Variants in PTPRS observed in about 807,000 individuals in gnomAD.
The protein encoded by PTPRS is protein tyrosine phosphatase receptor type S.
In PTPRS, 63 loss-of-function variants were observed where a neutral mutation model predicts 215.3. That is an observed-to-expected ratio of 0.29 (90% CI 0.24 to 0.36). PTPRS has a LOEUF of 0.36. PTPRS is among the 10% of genes least tolerant of loss of function. The pLI is 1.00. For missense variants in PTPRS, 2,258 were observed against 2,825.8 expected, an observed-to-expected ratio of 0.80 and a Z score of 4.56; for synonymous variants, 1,404 against 1,191.4, an observed-to-expected ratio of 1.18 and a Z score of -3.68.
chr19:5,272,595 C>CAAAAAAAAAAAAAAAAAAAA (rs10527451), intron 4 of PTPRS, among the ~76,000 whole-genome samples: 21 of 73,438 alleles, frequency 2.9e-4, no homozygotes, highest in Non-Finnish European at 3.9e-4. Flanking sequence ...AAGACTGTCT[C>CAAAAAAAAAAAAAAAAAAAA]AAAAAAAAAA....
intron 9 of PTPRS, 121 bp from the exon 10 acceptor site, chr19:5,246,166 G>C: frequency 2.0e-6 from 1 of 507,236 alleles, no homozygotes; most frequent in Non-Finnish European, 3.1e-6. Flanking sequence ...AAAGAAAGAA[G>C]GAAAGAAAGA....
intron 1 of PTPRS, among the ~76,000 whole-genome samples, chr19:5,288,005 CA>C: frequency 8.0e-6 from 1 of 124,524 alleles, no homozygotes; most frequent in Admixed American, 8.1e-5. Flanking sequence ...CACACACACA[CA>C]CACAATCAGG....
rs374356942 is a variant in PTPRS at position 5,211,929 on chromosome 19, C to T, written c.5055+36G>A. ...ATTTTCGGCTCTTTGGGCCTCCTCC[C>T]CACCCCGCCCACAGCAGCCTCCACC... On this transcript the variant is annotated intron_variant, in intron 32 of 37. Coordinates refer to ENST00000262963, the MANE Select transcript of PTPRS (RefSeq NM_002850.4). 1.4e-5 allele frequency: 21 copies of T among 1,551,306 alleles called. No individual in the cohort carries two copies. In the African/African-American group the frequency reaches 2.3e-4, roughly 17 times the overall value.
At position 5,237,785 on chromosome 19, in the gene PTPRS, C is replaced by T. The variant is rs1291459605; in HGVS notation, c.1849+1134G>A. Among the ~76,000 whole-genome samples the T allele has an allele frequency of 1.3e-5, 2 of 152,078 alleles. No homozygotes were observed. The highest frequency in any genetic ancestry group is 2.9e-5 in the Non-Finnish European group (2 of 68,018). On this transcript the variant is annotated intron_variant, in intron 13 of 37. Transcript: ENST00000262963. The surrounding 1 kb of genome is among the most constrained non-coding windows in gnomAD (Gnocchi z 4.2). ...ACCTCACACAGACGCGCCCAGACGCCTTGGAGCCGCCAGGTGCTCAGCTCG... is the reference window on the plus strand; with the variant it reads ...ACCTCACACAGACGCGCCCAGACGCTTTGGAGCCGCCAGGTGCTCAGCTCG...
At chr19:5,236,676 GAGGCC>G in intron 13 of PTPRS, among the ~76,000 whole-genome samples, 1 of 152,116 alleles carries the variant, frequency 6.6e-6, no homozygotes, top group Admixed American at 6.5e-5. Context: ...AGAGACTGCA[GAGGCC>G]ACCCCAACAG....
Position 5,215,744 on chromosome 19 carries a change from A to C in PTPRS, c.4097-149T>G, listed in dbSNP as rs2041376868. On this transcript the variant is annotated intron_variant, in intron 26 of 37. Transcript: ENST00000262963. ...GGGTGGGGCTTGGCAGGAGGGGAAG[A>C]CTCAGGGTGGCTCATGAAGGGGCTG... 3.6e-5 allele frequency: 23 copies of C among 636,856 alleles called. No individual in the cohort carries two copies. In the East Asian group the frequency reaches 6.3e-4, roughly 18 times the overall value. 39.5% of individuals were successfully genotyped at this position (636,856 alleles called of 1,614,324 possible). A position where few individuals can be genotyped will look rare whatever the true frequency, so the allele number is the denominator to read the frequency against.
In PTPRS at chr19:5,287,580, T is replaced by C. The variant is rs1308441710; in HGVS notation, c.-94-1346A>G. Among the ~76,000 whole-genome samples, 1 of 152,096 alleles carries C rather than the reference T, an allele frequency of 6.6e-6. No homozygotes were observed. Among genetic ancestry groups the C allele is most frequent in the African/African-American group, 2.4e-5 (1 of 41,402 alleles). On this transcript the variant is annotated intron_variant, in intron 1 of 37. Coordinates refer to ENST00000262963, the MANE Select transcript of PTPRS (RefSeq NM_002850.4). This position sits in a 1 kb window ranked among gnomAD's most constrained non-coding sequence, Gnocchi z 4.8. ...CTGGCACCCATGCCAGCCCATGCCC[T>C]GGGCGGGTCCAGGCCGTGACCACAG...
In PTPRS at chr19:5,229,477, G is replaced by T. The variant is rs916809592; in HGVS notation, c.2349+14C>A. 7.9e-7 allele frequency: 1 copy of T among 1,268,280 alleles called. No homozygotes were observed. Among genetic ancestry groups the T allele is most frequent in the Non-Finnish European group, 1.0e-6 (1 of 960,334 alleles). The allele number at this position is 1,268,280 out of a possible 1,614,324, so 78.6% of individuals were successfully genotyped here. Reference sequence around the variant, plus strand: ...CGGAGCCCGTCCCCGGCCCCGCCCCGGCCCCCCGCCCACCTGGGCATCGGC... The same window carrying T: ...CGGAGCCCGTCCCCGGCCCCGCCCCTGCCCCCCGCCCACCTGGGCATCGGC... On this transcript the variant is annotated intron_variant, in intron 15 of 37. Transcript: ENST00000262963.
At chr19:5,258,284 CA>C in intron 7 of PTPRS, 157 bp from the exon 8 acceptor site, 4 of 633,704 alleles carry the variant, frequency 6.3e-6, no homozygotes, top group Non-Finnish European at 1.1e-5. Context: ...CTAGCTTGGC[CA>C]GGCCTTGTAT....
intron 1 of PTPRS, among the ~76,000 whole-genome samples, chr19:5,325,885 G>C (rs1179961587): frequency 1.3e-5 from 2 of 152,220 alleles, no homozygotes; most frequent in Admixed American, 1.3e-4. Flanking sequence ...AGGCAGAAGG[G>C]GCTCAGCCTC....
rs540838977 is a variant in PTPRS at position 5,222,132 on chromosome 19, T to G, written c.3192A>C (p.Thr1064=). 7.4e-6 allele frequency: 12 copies of G among 1,612,840 alleles called. No individual in the cohort carries two copies. The African/African-American group carries it at 1.5e-4, about 20-fold the overall frequency. ...GGCTGGGCAGTCGCACCTTGTAGGG[T>G]GTGGGTGAGTTGTAGTTGTCAGGGA... ...WEFPDNYNSP[T]PYKIQYNGLT... Residue 1064 remains threonine (T), a synonymous_variant, in exon 19 of 38, where the codon ACA becomes ACC. Transcript: ENST00000262963.
At position 5,229,608 on chromosome 19, in the gene PTPRS, G is replaced by T. The variant is rs1466078745; in HGVS notation, c.2232C>A (p.Pro744=). ...TCTGGCCGTGCTGCCGGCCGGGCGC[G>T]GGCGAGCGCCACAGCACGCGGATGG... ...ATAIRVLWRS[P]APGRQHGQIR... The change falls in exon 15 of 38, where the codon CCC becomes CCA. Residue 744 remains proline, a synonymous_variant. Coordinates refer to ENST00000262963, the MANE Select transcript of PTPRS (RefSeq NM_002850.4). 1 of 1,420,832 alleles carries T rather than the reference G, an allele frequency of 7.0e-7. No individual in the cohort carries two copies. The highest frequency in any genetic ancestry group is 9.2e-7 in the Non-Finnish European group (1 of 1,088,144). 88.0% of individuals were successfully genotyped at this position (1,420,832 alleles called of 1,614,324 possible). A position where few individuals can be genotyped will look rare whatever the true frequency, so the allele number is the denominator to read the frequency against.
chr19:5,216,830 G>A (rs1317461167), intron 25 of PTPRS, 63 bp from the exon 26 acceptor site: 7 of 1,099,874 alleles, frequency 6.4e-6, no homozygotes, highest in Non-Finnish European at 9.5e-6. Flanking sequence ...TCCCACCTCT[G>A]CCTCCCCCAC....
At position 5,338,965 on chromosome 19, in the gene PTPRS, C is replaced by G. The variant is rs560475844; in HGVS notation, c.-95+1699G>C. Among the ~76,000 whole-genome samples the G allele has an allele frequency of 6.6e-6, 1 of 152,332 alleles. No individual in the cohort carries two copies. The highest frequency in any genetic ancestry group is 2.4e-5 in the African/African-American group (1 of 41,578). ...AGGCCAGAATCCCAGCAGCCAAAGT[C>G]CGGGTGGTGGCGGACGGGAGCCCGG... is the stretch of plus-strand genomic sequence containing the variant. On this transcript the variant is annotated intron_variant, in intron 1 of 37. Coordinates refer to ENST00000262963, the MANE Select transcript of PTPRS (RefSeq NM_002850.4). This position sits in a 1 kb window ranked among gnomAD's most constrained non-coding sequence, Gnocchi z 4.2.
rs914574423 is a variant in PTPRS, at chr19:5,257,945, G to A, written c.706+72C>T. 2.2e-5 allele frequency: 30 copies of A among 1,340,214 alleles called. No homozygotes were observed. The highest frequency in any genetic ancestry group is 2.9e-5 in the African/African-American group (2 of 69,764). 83.0% of individuals were successfully genotyped at this position (1,340,214 alleles called of 1,614,324 possible). ...GCAGGGGACGGGGGAGCCCGGAGGC[G>A]GTGAGCCCGAGGAGGGAGGGGGATG... On this transcript the variant is annotated intron_variant, in intron 8 of 37. Transcript: ENST00000262963. This position sits in a 1 kb window ranked among gnomAD's most constrained non-coding sequence, Gnocchi z 4.4.
chr19:5,256,716 A>T (rs2045580811), intron 8 of PTPRS, among the ~76,000 whole-genome samples: 2 of 151,728 alleles, frequency 1.3e-5, no homozygotes, highest in Non-Finnish European at 1.5e-5. Context: ...ACGTGCCCCT[A>T]CCCACCACCC....
chr19:5,221,284 G>T (rs1279152036), intron 19 of PTPRS, 31 bp from the exon 20 acceptor site: 1 of 1,594,230 alleles, frequency 6.3e-7, no homozygotes, highest in Admixed American at 1.7e-5. Context: ...AGCAGGGCCT[G>T]GTGGGCTCAT....
At chr19:5,255,955 CTT>C (rs1357526372) in intron 9 of PTPRS, among the ~76,000 whole-genome samples, 151 bp downstream of exon 9, 1 of 149,810 alleles carries the variant, frequency 6.7e-6, no homozygotes, top group African/African-American at 2.4e-5. Flanking sequence ...CATATTCCAT[CTT>C]TTAAAATTGT....
At chr19:5,303,992 G>T (rs1335354624) in intron 1 of PTPRS, among the ~76,000 whole-genome samples, 1 of 123,762 alleles carries the variant, frequency 8.1e-6, no homozygotes, top group African/African-American at 3.4e-5. Flanking sequence ...AGCGCGGAGG[G>T]CTATGGCCCT....
Sources: allele counts gnomAD v4.1 joint callset (sites outside exome capture counted in the v4.1 genomes callset), GRCh38; gene constraint gnomAD v4.1.1; non-coding constraint Gnocchi (gnomAD v3.1); transcripts MANE v1.5; gene names NCBI Gene and HGNC (gene_info 2026-07-23, HGNC 2026-07-21).